MMP26: variants seen among roughly 807,000 people sequenced by gnomAD.
MMP26 encodes matrix metallopeptidase 26, also known as matrix metalloproteinase-26.
In MMP26, 33 loss-of-function variants were observed where a neutral mutation model predicts 31.0. The observed-to-expected ratio is 1.06, with a 90% CI of 0.81 to 1.42. The LOEUF is 1.42. Among genes scored for constraint, MMP26 ranks in the 40% most tolerant of loss-of-function variants. MMP26 has a pLI of 0.00. For synonymous variants in MMP26, 122 were observed against 114.9 expected, an observed-to-expected ratio of 1.06 and a Z score of -0.40; for missense variants, 347 against 316.1, an observed-to-expected ratio of 1.10 and a Z score of -0.74.
At position 4,990,644 on chromosome 11, in the gene MMP26, A is replaced by G. The variant is rs1846984618; in HGVS notation, c.367A>G (p.Ser123Gly). The change falls in exon 5 of 8, where the codon AGT becomes GGT. Residue 123 changes from serine (S) to glycine (G), a missense_variant. Transcript: ENST00000380390. ...HDMKPSAVKD[S>G]IYNAVSIWSN... ...TATGAAGCCATCCGCAGTGAAAGAC[A>G]GTATATATAATGCAGTTTCCATCTG... is the stretch of plus-strand genomic sequence containing the variant. 1 of 1,613,998 alleles carries G rather than the reference A, an allele frequency of 6.2e-7. No individual in the cohort carries two copies. The highest frequency in any genetic ancestry group is 1.3e-5 in the African/African-American group (1 of 74,940).
intron 2 of MMP26, among the ~76,000 whole-genome samples, chr11:4,959,681 A>G (rs1176733492): frequency 6.6e-6 from 1 of 152,192 alleles, no homozygotes; most frequent in Non-Finnish European, 1.5e-5. Flanking sequence ...ATCCAGTTCA[A>G]TCATTTATTG....
intron 2 of MMP26, among the ~76,000 whole-genome samples, chr11:4,863,269 C>T (rs1850189088): frequency 6.6e-6 from 1 of 151,800 alleles, no homozygotes; most frequent in Admixed American, 6.6e-5. Context: ...CTTCATCTTC[C>T]TTCTTTTAAT....
chr11:4,938,230 A>C (rs1358695076), intron 2 of MMP26: 1 of 152,194 alleles, frequency 6.6e-6, no homozygotes, highest in Non-Finnish European at 1.5e-5. Context: ...ACTTTTCTCC[A>C]GTCCAGTGAT....
intron 2 of MMP26, among the ~76,000 whole-genome samples, chr11:4,781,231 T>C (rs187032846): frequency 1.4e-4 from 22 of 152,282 alleles, no homozygotes; most frequent in African/African-American, 5.3e-4. Flanking sequence ...AAACTTTGAA[T>C]TCTGTACACA....
At chr11:4,881,920 C>T in intron 2 of MMP26, 1 of 1,612,648 alleles carries the variant, frequency 6.2e-7, no homozygotes, top group Non-Finnish European at 8.5e-7. Context: ...TCAATAACAC[C>T]ACTTCGTCTT....
chr11:4,857,812 T>C, intron 2 of MMP26, among the ~76,000 whole-genome samples: 1 of 152,262 alleles, frequency 6.6e-6, no homozygotes, highest in East Asian at 1.9e-4. Context: ...TGAACATCAA[T>C]GCAAAAATAC....
chr11:4,810,156 A>G (rs1849330098), intron 2 of MMP26, among the ~76,000 whole-genome samples: 1 of 152,190 alleles, frequency 6.6e-6, no homozygotes, highest in Non-Finnish European at 1.5e-5. Context: ...CAGAAGTAGG[A>G]AGGCAGGGGA....
At chr11:4,907,111 A>AAAAAAAAAAAAAAAAAAAAAC (rs1850905914) in intron 2 of MMP26, among the ~76,000 whole-genome samples, 1 of 149,890 alleles carries the variant, frequency 6.7e-6, no homozygotes, top group Admixed American at 6.6e-5. Flanking sequence ...AAAAAAAAAA[A>AAAAAAAAAAAAAAAAAAAAAC]AAAATCCTAA....
At chr11:4,873,735 G>T (rs1850341032) in intron 2 of MMP26, among the ~76,000 whole-genome samples, 1 of 151,818 alleles carries the variant, frequency 6.6e-6, no homozygotes, top group African/African-American at 2.4e-5. Context: ...TATTTGCCTG[G>T]TGCTTATCTA....
intron 2 of MMP26, among the ~76,000 whole-genome samples, chr11:4,816,783 A>G (rs866797239): frequency 2.8e-5 from 4 of 142,542 alleles, no homozygotes; most frequent in African/African-American, 1.1e-4. Flanking sequence ...GGCTCACTGC[A>G]AGCTCCGCCT....
intron 2 of MMP26, among the ~76,000 whole-genome samples, chr11:4,835,760 A>G (rs539576430): frequency 6.6e-6 from 1 of 152,322 alleles, no homozygotes; most frequent in Non-Finnish European, 1.5e-5. Flanking sequence ...CTTTCTGTCT[A>G]TAAAATGAGG....
intron 2 of MMP26, among the ~76,000 whole-genome samples, chr11:4,869,565 A>G (rs1850283561): frequency 6.6e-6 from 1 of 152,170 alleles, no homozygotes; most frequent in Non-Finnish European, 1.5e-5. Context: ...AAGTCAGGAA[A>G]CAACAGGTGC....
chr11:4,879,713 T>G (rs755239106), intron 2 of MMP26, among the ~76,000 whole-genome samples: 22 of 152,158 alleles, frequency 1.4e-4, no homozygotes, highest in Non-Finnish European at 2.9e-4. Flanking sequence ...AAATGTTAAG[T>G]TACTTATGCG....
intron 2 of MMP26, chr11:4,908,231 C>A (rs776424931): frequency 3.1e-6 from 5 of 1,613,992 alleles, no homozygotes; most frequent in Non-Finnish European, 4.2e-6. Flanking sequence ...CCTTATGAAC[C>A]CCATTGTGTA....
intron 2 of MMP26, among the ~76,000 whole-genome samples, chr11:4,840,280 G>C (rs1415968608): frequency 1.3e-5 from 2 of 152,224 alleles, no homozygotes; most frequent in Non-Finnish European, 2.9e-5. Context: ...ACACAGGCCT[G>C]GCTGGCTTTG....
intron 1 of MMP26, among the ~76,000 whole-genome samples, chr11:4,751,584 GA>G (rs1025076298): frequency 4.2e-4 from 64 of 152,162 alleles, no homozygotes; most frequent in Middle Eastern, 6.8e-3. Flanking sequence ...TGGGAAAAGA[GA>G]AAAAAGTGAA....
intron 2 of MMP26, among the ~76,000 whole-genome samples, chr11:4,838,124 T>C (rs1266118908): frequency 6.6e-6 from 1 of 150,914 alleles, no homozygotes; most frequent in Non-Finnish European, 1.5e-5. Flanking sequence ...AAGACCATCC[T>C]GGCTAACACA....
chr11:4,920,660 G>A lies in MMP26; in HGVS notation c.-144-67408G>A, dbSNP rs542193986. On this transcript the variant is annotated intron_variant, in intron 2 of 7. Coordinates refer to ENST00000380390, the MANE Select transcript of MMP26 (RefSeq NM_021801.5). ...CATAATGCCTTTGGTATGGTTTCAG[G>A]TAGTGTTGTGTGCAGTTCTGTCAAG... Among the ~76,000 whole-genome samples the A allele has an allele frequency of 2.0e-5, 3 of 152,234 alleles. No individual in the cohort carries two copies. The South Asian group carries it at 6.2e-4, about 32-fold the overall frequency.
chr11:4,830,471 A>G (rs1246131778), intron 2 of MMP26, among the ~76,000 whole-genome samples: 1 of 152,200 alleles, frequency 6.6e-6, no homozygotes, highest in South Asian at 2.1e-4. Context: ...CATGATGAAT[A>G]CAGTTGAATA....
Sources: allele counts gnomAD v4.1 joint callset (sites outside exome capture counted in the v4.1 genomes callset), GRCh38; gene constraint gnomAD v4.1.1; transcripts MANE v1.5; gene names NCBI Gene and HGNC (gene_info 2026-07-23, HGNC 2026-07-21).